SLC9A2: variants seen among roughly 807,000 people sequenced by gnomAD.
SLC9A2 encodes solute carrier family 9 member A2.
Under a neutral mutation model 71.7 loss-of-function variants are expected in SLC9A2, and 42 were observed. That is an observed-to-expected ratio of 0.59 (90% CI 0.46 to 0.76). The LOEUF is 0.76. Ranked by LOEUF, SLC9A2 falls within the 30% of genes least tolerant of loss-of-function variation. SLC9A2 has a pLI of 0.00. For missense variants in SLC9A2, 829 were observed against 1,017.4 expected, an observed-to-expected ratio of 0.81 and a Z score of 2.52; for synonymous variants, 396 against 392.5, an observed-to-expected ratio of 1.01 and a Z score of -0.10.
intron 3 of SLC9A2, among the ~76,000 whole-genome samples, chr2:102,673,233 G>A (rs1677289258): frequency 6.6e-6 from 1 of 152,096 alleles, no homozygotes; most frequent in South Asian, 2.1e-4. Context: ...ATAAGTTTAA[G>A]TGAAACACAA....
intron 8 of SLC9A2, among the ~76,000 whole-genome samples, chr2:102,702,114 G>C (rs1677884553): frequency 6.6e-6 from 1 of 152,178 alleles, no homozygotes; most frequent in Non-Finnish European, 1.5e-5. Context: ...TTTATGGAGT[G>C]TTAGAAATAA....
intron 3 of SLC9A2, among the ~76,000 whole-genome samples, chr2:102,668,458 A>T (rs919706104): frequency 6.6e-6 from 1 of 152,160 alleles, no homozygotes; most frequent in Non-Finnish European, 1.5e-5. Flanking sequence ...TTAAAAATGC[A>T]TATCTACACA....
rs140251077 is a variant in SLC9A2 at position 102,685,025 on chromosome 2, A to G, written c.1425+689A>G. On this transcript the variant is annotated intron_variant, in intron 5 of 11. Transcript: ENST00000233969. ...CATAGAGCATGTTAGAAGGTGGAAA[A>G]TGTTATGCAATAAGGATAGAGTAAG... is the stretch of plus-strand genomic sequence containing the variant. Among the ~76,000 whole-genome samples, 456 of 152,334 alleles carry G rather than the reference A, an allele frequency of 3.0e-3. 1 individual carries two copies. The highest frequency in any genetic ancestry group is 0.01 in the African/African-American group (435 of 41,566).
At chr2:102,701,456 A>G (rs1677874175) in intron 8 of SLC9A2, among the ~76,000 whole-genome samples, 2 of 152,210 alleles carry the variant, frequency 1.3e-5, no homozygotes, top group Non-Finnish European at 2.9e-5. Context: ...TGTGGTCACA[A>G]AATTTTCATC....
rs187495418 is a variant in SLC9A2, at chr2:102,685,189, C to T, written c.1425+853C>T. On this transcript the variant is annotated intron_variant, in intron 5 of 11. Transcript: ENST00000233969. ...TGGAGGAATTAGCTAAGCCCAAGAACATCCCAGGCAAATGGGCTGAGGGAT... is the reference window on the plus strand; with the variant it reads ...TGGAGGAATTAGCTAAGCCCAAGAATATCCCAGGCAAATGGGCTGAGGGAT... Among the ~76,000 whole-genome samples, 5 of 152,338 alleles carry T rather than the reference C, an allele frequency of 3.3e-5. No homozygotes were observed. In the East Asian group the frequency reaches 7.7e-4, roughly 24 times the overall value.
rs766000036 is a variant in SLC9A2, at chr2:102,701,114, G to A, written c.1631G>A (p.Arg544Gln). 9.3e-6 allele frequency: 15 copies of A among 1,608,896 alleles called. No homozygotes were observed. The highest frequency in any genetic ancestry group is 5.6e-5 in the South Asian group (5 of 90,002). ...AAATATCTGCGGAAGCTTTTGATTC[G>A]GGAAAACCAACCAAAGTCAAGTATT... ...DDKYLRKLLI[R>Q]ENQPKSSIVS... is the part of the protein sequence containing the mutation. Residue 544 changes from arginine (R) to glutamine (Q), a missense_variant, in exon 8 of 12, where the codon CGG becomes CAG. By Grantham distance (43) the Arg-to-Gln change is conservative. Transcript: ENST00000233969.
chr2:102,655,565 T>G (rs1676923463), intron 1 of SLC9A2, among the ~76,000 whole-genome samples: 1 of 152,128 alleles, frequency 6.6e-6, no homozygotes, highest in Admixed American at 6.5e-5. Context: ...CTACACAGGG[T>G]CAGGATCATA....
intron 1 of SLC9A2, among the ~76,000 whole-genome samples, chr2:102,644,580 G>A (rs946057045): frequency 6.6e-6 from 1 of 152,190 alleles, no homozygotes; most frequent in Non-Finnish European, 1.5e-5. Context: ...AATTCTTGCT[G>A]CCAGCACAGG....
At chr2:102,629,729 A>G (rs1676322086) in intron 1 of SLC9A2, among the ~76,000 whole-genome samples, 1 of 152,098 alleles carries the variant, frequency 6.6e-6, no homozygotes, top group Admixed American at 6.6e-5. Flanking sequence ...TAAGGATACT[A>G]TACAGTTTAA....
chr2:102,657,522 C>T, intron 1 of SLC9A2, 42 bp from the exon 2 acceptor site: 1 of 1,404,748 alleles, frequency 7.1e-7, no homozygotes, highest in Non-Finnish European at 9.7e-7. Flanking sequence ...TCCCAAATTC[C>T]TCCATAACCC....
intron 2 of SLC9A2, among the ~76,000 whole-genome samples, chr2:102,659,554 G>C (rs2104521499): frequency 6.6e-6 from 1 of 152,214 alleles, no homozygotes; most frequent in South Asian, 2.1e-4. Context: ...TCATCTCTAA[G>C]GACATCCATT....
At chr2:102,648,321 GA>G (rs1676767019) in intron 1 of SLC9A2, among the ~76,000 whole-genome samples, 1 of 151,958 alleles carries the variant, frequency 6.6e-6, no homozygotes, top group African/African-American at 2.4e-5. Flanking sequence ...CTCAATAAAC[GA>G]GGTATTGATG....
Position 102,705,837 on chromosome 2 carries a change from C to A in SLC9A2, c.1978-9C>A, listed in dbSNP as rs375678048. 2.6e-6 allele frequency: 4 copies of A among 1,542,578 alleles called. No individual in the cohort carries two copies. The highest frequency in any genetic ancestry group is 1.9e-5 in the Admixed American group (1 of 53,320). On this transcript the variant is annotated splice_polypyrimidine_tract_variant and intron_variant, in intron 10 of 11. Coordinates refer to ENST00000233969, the MANE Select transcript of SLC9A2 (RefSeq NM_003048.6). ...ATAGTTTAAGTAAGATTTTATATTTCTTTTACAGGCTTCCACTTCAACCTC... is the reference window on the plus strand; with the variant it reads ...ATAGTTTAAGTAAGATTTTATATTTATTTTACAGGCTTCCACTTCAACCTC...
intron 3 of SLC9A2, among the ~76,000 whole-genome samples, chr2:102,675,995 G>A (rs1234448559): frequency 3.9e-5 from 6 of 152,172 alleles, no homozygotes; most frequent in African/African-American, 1.2e-4. Context: ...TGGGGCACAG[G>A]CATTTGTAGT....
intron 3 of SLC9A2, among the ~76,000 whole-genome samples, chr2:102,672,694 T>C (rs527494202): frequency 1.3e-4 from 20 of 152,274 alleles, no homozygotes; most frequent in Admixed American, 7.2e-4. Flanking sequence ...GGGGGTTTTA[T>C]ATAAATATCC....
At chr2:102,688,643 G>A (rs1235407251) in intron 5 of SLC9A2, among the ~76,000 whole-genome samples, 2 of 152,186 alleles carry the variant, frequency 1.3e-5, no homozygotes, top group South Asian at 2.1e-4. Flanking sequence ...CAGGAGAATC[G>A]CTTGAACCAG....
Position 102,708,541 on chromosome 2 carries a change from G to T in SLC9A2, c.*52G>T, listed in dbSNP as rs746792864. ...GTCTGACCCAGGACAGCTGTGGTTT[G>T]TCACTCTGAAACCTGATGCAACAGT... On this transcript the variant is annotated 3_prime_UTR_variant, in exon 12 of 12. Transcript: ENST00000233969. 1.9e-6 allele frequency: 3 copies of T among 1,564,964 alleles called. No homozygotes were observed. The highest frequency in any genetic ancestry group is 3.7e-5 in the Admixed American group (2 of 54,058).
intron 1 of SLC9A2, among the ~76,000 whole-genome samples, chr2:102,622,988 T>G (rs1676172306): frequency 6.6e-6 from 1 of 152,196 alleles, no homozygotes; most frequent in Non-Finnish European, 1.5e-5. Context: ...CATCTCACTT[T>G]CATTATGTGG....
rs563013689 is a variant in SLC9A2 at position 102,666,281 on chromosome 2, C to T, written c.1004+931C>T. Among the ~76,000 whole-genome samples the T allele has an allele frequency of 3.5e-3, 526 of 149,316 alleles. 3 individuals carry two copies. Among genetic ancestry groups the T allele is most frequent in the Non-Finnish European group, 6.1e-3 (412 of 67,602 alleles). On this transcript the variant is annotated intron_variant, in intron 3 of 11. Coordinates refer to ENST00000233969, the MANE Select transcript of SLC9A2 (RefSeq NM_003048.6). ...CGTGATCTCGGCTCACTGCAAGCTC[C>T]GCCTCCCGGGTTCACACCATTCTCC... is the stretch of plus-strand genomic sequence containing the variant.
Sources: allele counts gnomAD v4.1 joint callset (sites outside exome capture counted in the v4.1 genomes callset), GRCh38; gene constraint gnomAD v4.1.1; transcripts MANE v1.5; gene names NCBI Gene and HGNC (gene_info 2026-07-23, HGNC 2026-07-21).